The following CLDN14 variants were observed in gnomAD, a reference collection of about 807,000 sequenced individuals.
The protein encoded by CLDN14 is claudin 14.
In CLDN14, 2 loss-of-function variants were observed where a neutral mutation model predicts 2.1. That is an observed-to-expected ratio of 0.96 (90% CI 0.39 to 3.01). The LOEUF (loss-of-function observed/expected upper bound fraction) is 3.01, where lower values mean the gene tolerates loss of function less well. CLDN14 is among the 30% of genes most tolerant of loss of function. The pLI, the probability that CLDN14 is intolerant of heterozygous loss-of-function variation, is 0.09. For synonymous variants in CLDN14, 136 were observed against 154.4 expected, an observed-to-expected ratio of 0.88 and a Z score of 0.88; for missense variants, 298 against 328.0, an observed-to-expected ratio of 0.91 and a Z score of 0.71.
At chr21:36,504,372 C>A (rs1031398227) in intron 2 of CLDN14, among the ~76,000 whole-genome samples, 4 of 152,048 alleles carry the variant, frequency 2.6e-5, no homozygotes, top group Non-Finnish European at 5.9e-5. Flanking sequence ...TTACTGTATT[C>A]TCTTTTTCTG....
chr21:36,501,195 T>C lies in CLDN14; in HGVS notation c.-82+9168A>G, dbSNP rs566070729. Among the ~76,000 whole-genome samples, 5 of 152,250 alleles carry C rather than the reference T, an allele frequency of 3.3e-5. No homozygotes were observed. In the East Asian group the frequency reaches 9.7e-4, roughly 29 times the overall value. On this transcript the variant is annotated intron_variant, in intron 2 of 2. Transcript: ENST00000342108. ...TGAGGGCTGAAAGATTTCATCCACA[T>C]CAAGCCCCATTTGCATGAAATGTAT...
At chr21:36,554,404 G>A (rs572904307) in intron 1 of CLDN14, among the ~76,000 whole-genome samples, 19 of 152,298 alleles carry the variant, frequency 1.2e-4, no homozygotes, top group Admixed American at 1.0e-3. Context: ...CCACAACACA[G>A]GGTTACAGGT....
At chr21:36,555,545 G>T (rs892346172) in intron 1 of CLDN14, among the ~76,000 whole-genome samples, 1 of 152,190 alleles carries the variant, frequency 6.6e-6, no homozygotes, top group South Asian at 2.1e-4. Context: ...AGGAGCCCAC[G>T]GGGCTTTGCT....
intron 1 of CLDN14, among the ~76,000 whole-genome samples, chr21:36,534,353 C>T (rs1225499885): frequency 2.0e-5 from 3 of 152,108 alleles, no homozygotes; most frequent in Admixed American, 1.3e-4. Flanking sequence ...ATGCAACACA[C>T]GGTTGACAGG....
intron 1 of CLDN14, among the ~76,000 whole-genome samples, chr21:36,472,102 T>G (rs2086717517): frequency 6.6e-6 from 1 of 152,234 alleles, no homozygotes; most frequent in Non-Finnish European, 1.5e-5. Flanking sequence ...GCCATCTTTA[T>G]TTACAGATAG....
intron 2 of CLDN14, among the ~76,000 whole-genome samples, chr21:36,494,717 G>A (rs1373114198): frequency 6.6e-6 from 1 of 152,216 alleles, no homozygotes; most frequent in Non-Finnish European, 1.5e-5. Context: ...GGACAAGACA[G>A]CATCTATAAG....
intron 1 of CLDN14, among the ~76,000 whole-genome samples, chr21:36,474,260 C>T (rs2086746667): frequency 6.6e-6 from 1 of 152,206 alleles, no homozygotes; most frequent in South Asian, 2.1e-4. Flanking sequence ...AGGCAGCCAC[C>T]TACAGCAATA....
chr21:36,535,173 T>C (rs2087414258), intron 1 of CLDN14, among the ~76,000 whole-genome samples: 1 of 152,226 alleles, frequency 6.6e-6, no homozygotes, highest in Non-Finnish European at 1.5e-5. Flanking sequence ...GCGGATCACC[T>C]GAGGTCAGGA....
At chr21:36,545,664 C>T (rs907541625) in intron 1 of CLDN14, among the ~76,000 whole-genome samples, 1 of 152,128 alleles carries the variant, frequency 6.6e-6, no homozygotes, top group Non-Finnish European at 1.5e-5. Context: ...TTAGTATCTG[C>T]CCCCACTCTG....
At chr21:36,570,638 A>G (rs952118023) in intron 1 of CLDN14, among the ~76,000 whole-genome samples, 3 of 152,244 alleles carry the variant, frequency 2.0e-5, no homozygotes, top group African/African-American at 7.2e-5. Context: ...ATGGACATAT[A>G]TAATAAATTA....
rs1601612455 is a variant in CLDN14, at chr21:36,498,255, C to T, written c.-82+12108G>A. ...ACCTCAGGCGGTCCACCTGCCTTGG[C>T]CTCCCAAAGTGCTGGGATTATAGAC... is the stretch of plus-strand genomic sequence containing the variant. On this transcript the variant is annotated intron_variant, in intron 2 of 2. Transcript: ENST00000342108. The surrounding 1 kb of genome is among the most constrained non-coding windows in gnomAD (Gnocchi z 4.9). Among the ~76,000 whole-genome samples the T allele has an allele frequency of 6.6e-6, 1 of 152,128 alleles. No individual in the cohort carries two copies. The highest frequency in any genetic ancestry group is 1.5e-5 in the Non-Finnish European group (1 of 68,026).
intron 1 of CLDN14, among the ~76,000 whole-genome samples, chr21:36,527,786 ATTTC>A (rs1317271167): frequency 1.3e-5 from 2 of 151,950 alleles, no homozygotes; most frequent in Non-Finnish European, 1.5e-5. Flanking sequence ...TAATGTCCTA[ATTTC>A]TTTCTTTTTT....
At chr21:36,552,970 C>G (rs2087573115) in intron 1 of CLDN14, among the ~76,000 whole-genome samples, 1 of 152,214 alleles carries the variant, frequency 6.6e-6, no homozygotes, top group Admixed American at 6.5e-5. Flanking sequence ...GCAGAGGCCC[C>G]TCCTCAACCT....
At chr21:36,479,368 C>T (rs2086817191) in intron 1 of CLDN14, 127 bp downstream of exon 1, 2 of 152,202 alleles carry the variant, frequency 1.3e-5, no homozygotes, top group African/African-American at 4.8e-5. Flanking sequence ...ACGGTCCCTT[C>T]CTCTGGAGAA....
rs536444386 is a variant in CLDN14, at chr21:36,569,223, C to T, written c.-220+7188G>A. Among the ~76,000 whole-genome samples, 3 of 152,310 alleles carry T rather than the reference C, an allele frequency of 2.0e-5. No individual in the cohort carries two copies. The East Asian group carries it at 5.8e-4, about 29-fold the overall frequency. On this transcript the variant is annotated intron_variant, in intron 1 of 2. Coordinates refer to the CLDN14 transcript ENST00000342108. ...ACAAGGTCAGGAGTTCGAGACCAGC[C>T]TGCCCAATATGGTGAAACCCCATCT...
At chr21:36,554,390 A>T (rs893353490) in intron 1 of CLDN14, among the ~76,000 whole-genome samples, 1 of 152,182 alleles carries the variant, frequency 6.6e-6, no homozygotes, top group African/African-American at 2.4e-5. Flanking sequence ...TTGTCCAGGT[A>T]CAACCACAAC....
At chr21:36,568,749 A>G (rs1039360889) in intron 1 of CLDN14, among the ~76,000 whole-genome samples, 1 of 152,042 alleles carries the variant, frequency 6.6e-6, no homozygotes, top group Non-Finnish European at 1.5e-5. Context: ...GGAAATATTC[A>G]TTTTTCTACA....
At chr21:36,517,498 A>C (rs1327896507) in intron 1 of CLDN14, among the ~76,000 whole-genome samples, 4 of 152,248 alleles carry the variant, frequency 2.6e-5, no homozygotes, top group Non-Finnish European at 5.9e-5. Flanking sequence ...AGAGTTAGAC[A>C]GACTACATCA....
Position 36,551,678 on chromosome 21 carries a change from T to C in CLDN14, c.-220+24733A>G, listed in dbSNP as rs1187537090. On this transcript the variant is annotated intron_variant, in intron 1 of 2. Coordinates refer to the CLDN14 transcript ENST00000342108. This position sits in a 1 kb window ranked among gnomAD's most constrained non-coding sequence, Gnocchi z 4.8. ...CTGTTGCAACAGCTCCTCCTGAAGATCCCAGATGCTCCAAGTGCCATCTCT... is the reference window on the plus strand; with the variant it reads ...CTGTTGCAACAGCTCCTCCTGAAGACCCCAGATGCTCCAAGTGCCATCTCT... Among the ~76,000 whole-genome samples the C allele has an allele frequency of 6.6e-6, 1 of 152,128 alleles. No homozygotes were observed. Among genetic ancestry groups the C allele is most frequent in the African/African-American group, 2.4e-5 (1 of 41,412 alleles).
Sources: allele counts gnomAD v4.1 joint callset (sites outside exome capture counted in the v4.1 genomes callset), GRCh38; gene constraint gnomAD v4.1.1; non-coding constraint Gnocchi (gnomAD v3.1); transcripts MANE v1.5; gene names NCBI Gene and HGNC (gene_info 2026-07-23, HGNC 2026-07-21).